The following MRTFA variants were observed in gnomAD, a reference collection of about 807,000 sequenced individuals.
MRTFA encodes myocardin related transcription factor A.
Under a neutral mutation model 83.5 loss-of-function variants are expected in MRTFA, and 20 were observed. The ratio of observed to expected loss-of-function variants is 0.24; its 90% confidence interval spans 0.17 to 0.35. MRTFA has a LOEUF of 0.35. MRTFA is among the 10% of genes least tolerant of loss of function. The probability of loss-of-function intolerance (pLI) is 1.00; values close to 1 mark genes in which losing one functional copy is unlikely to be tolerated. For synonymous variants in MRTFA, 659 were observed against 541.2 expected, an observed-to-expected ratio of 1.22 and a Z score of -3.02; for missense variants, 1,200 against 1,224.7, an observed-to-expected ratio of 0.98 and a Z score of 0.30.
At chr22:40,574,530 G>T (rs959726956) in intron 2 of MRTFA, among the ~76,000 whole-genome samples, 3 of 151,886 alleles carry the variant, frequency 2.0e-5, no homozygotes, top group African/African-American at 7.3e-5. Context: ...TGCCTCCTGG[G>T]TTCAAGCTAT....
At chr22:40,576,028 CTTT>C (rs918851256) in intron 2 of MRTFA, among the ~76,000 whole-genome samples, 4 of 131,396 alleles carry the variant, frequency 3.0e-5, no homozygotes, top group Admixed American at 7.9e-5. Flanking sequence ...ATGTAAATTT[CTTT>C]TTTTTTTTTT....
chr22:40,606,812 T>C (rs2056323449), intron 1 of MRTFA, among the ~76,000 whole-genome samples: 1 of 152,122 alleles, frequency 6.6e-6, no homozygotes, highest in South Asian at 2.1e-4. Flanking sequence ...TATTTGTTCC[T>C]AACAAAGCCA....
chr22:40,424,480 A>G, intron 7 of MRTFA, 99 bp from the exon 8 acceptor site: 7 of 1,291,564 alleles, frequency 5.4e-6, no homozygotes, highest in African/African-American at 1.5e-5. Flanking sequence ...TGCCTGGCCC[A>G]CAGCCCACAT....
chr22:40,417,306 G>A lies in MRTFA; in HGVS notation c.2517+35C>T, dbSNP rs962080974. The stretch of plus-strand genomic sequence containing the variant: ...CTCAGCCCAGCAGCCTAGGGCAGCT[G>A]CCAACACTAGCCAGGCCTAGCCCGC... On this transcript the variant is annotated intron_variant, in intron 13 of 14. Coordinates refer to ENST00000355630, the MANE Select transcript of MRTFA (RefSeq NM_020831.6). 3 of 1,600,866 alleles carry A rather than the reference G, an allele frequency of 1.9e-6. No individual in the cohort carries two copies. In the African/African-American group the frequency reaches 4.0e-5, roughly 21 times the overall value.
At chr22:40,576,610 C>T (rs1447990077) in intron 2 of MRTFA, among the ~76,000 whole-genome samples, 2 of 152,172 alleles carry the variant, frequency 1.3e-5, no homozygotes, top group African/African-American at 2.4e-5. Flanking sequence ...CAAGTTCAGA[C>T]TCTGGCTTAA....
chr22:40,425,541 A>T (rs118140414), intron 7 of MRTFA, among the ~76,000 whole-genome samples: 13 of 152,288 alleles, frequency 8.5e-5, no homozygotes, highest in Non-Finnish European at 1.5e-4. Context: ...CTCCTCCCTC[A>T]GGACCTGGGA....
At chr22:40,588,215 G>T (rs997265887) in intron 2 of MRTFA, among the ~76,000 whole-genome samples, 3 of 152,042 alleles carry the variant, frequency 2.0e-5, no homozygotes, top group African/African-American at 4.8e-5. Context: ...TTTTAGTATA[G>T]ATGAGGTTTC....
In MRTFA at chr22:40,571,423, G is replaced by A. The variant is rs552105755; in HGVS notation, c.-21-19056C>T. 3.9e-5 allele frequency among the ~76,000 whole-genome samples: 6 copies of A among 152,108 alleles called. No individual in the cohort carries two copies. In the East Asian group the frequency reaches 1.2e-3, roughly 29 times the overall value. On this transcript the variant is annotated intron_variant, in intron 2 of 14. Transcript: ENST00000355630. ...AAAGGAAAAAACTAGATAAACAGGAGGTCCAGATATTTCTGTCAAAATTTT... is the reference window on the plus strand; with the variant it reads ...AAAGGAAAAAACTAGATAAACAGGAAGTCCAGATATTTCTGTCAAAATTTT...
At chr22:40,496,924 C>G (rs2054364619) in intron 3 of MRTFA, among the ~76,000 whole-genome samples, 2 of 152,200 alleles carry the variant, frequency 1.3e-5, no homozygotes, top group Admixed American at 1.3e-4. Context: ...AAGGTGTCCT[C>G]TATCTCTAAA....
intron 14 of MRTFA, 63 bp from the exon 15 acceptor site, chr22:40,411,970 A>G: frequency 7.4e-7 from 1 of 1,359,730 alleles, no homozygotes; most frequent in Non-Finnish European, 9.6e-7. Context: ...TACATGCAAA[A>G]GAATGAAGGT....
Position 40,506,243 on chromosome 22 carries a change from C to CA in MRTFA, c.242-42958dup, listed in dbSNP as rs1038878163. On this transcript the variant is annotated intron_variant, in intron 3 of 14. Transcript: ENST00000355630. ...GGGCGACAGAGCGAGACTCTTATCT[C>CA]AAAAAAAAATAAATAAAGTGCATTA... is the stretch of plus-strand genomic sequence containing the variant. Among the ~76,000 whole-genome samples, 80 of 149,618 alleles carry CA rather than the reference C, an allele frequency of 5.3e-4. No homozygotes were observed. In the East Asian group the frequency reaches 0.013, roughly 24 times the overall value.
At chr22:40,479,436 C>T (rs558162091) in intron 3 of MRTFA, among the ~76,000 whole-genome samples, 1 of 152,208 alleles carries the variant, frequency 6.6e-6, no homozygotes, top group African/African-American at 2.4e-5. Context: ...CCTTTCCTCT[C>T]GCAAGTCCCC....
intron 1 of MRTFA, among the ~76,000 whole-genome samples, chr22:40,624,741 A>G (rs1569357843): frequency 2.0e-5 from 3 of 152,180 alleles, no homozygotes; most frequent in Admixed American, 2.0e-4. Context: ...TAATTAACTC[A>G]GCGTTATTTG....
rs1206927508 is a variant in MRTFA at position 40,417,380 on chromosome 22, A to C, written c.2478T>G (p.Pro826=). ...GCTGGCTCATGGCTTCCTCATAGCCAGGTGGTTCCTTCTTCAGCAGAGAAG... is the reference window on the plus strand; with the variant it reads ...GCTGGCTCATGGCTTCCTCATAGCCCGGTGGTTCCTTCTTCAGCAGAGAAG... The change falls in exon 13 of 15, where the codon CCT becomes CCG. Residue 826 remains proline (P), a synonymous_variant. Transcript: ENST00000355630. 6.2e-7 allele frequency: 1 copy of C among 1,611,368 alleles called. No individual in the cohort carries two copies. The highest frequency in any genetic ancestry group is 1.3e-5 in the African/African-American group (1 of 74,826).
intron 1 of MRTFA, among the ~76,000 whole-genome samples, chr22:40,632,345 A>C (rs1467382214): frequency 6.6e-6 from 1 of 151,538 alleles, no homozygotes; most frequent in Non-Finnish European, 1.5e-5. Flanking sequence ...GTGCAGTGGC[A>C]CGATCTCAGC....
At chr22:40,547,959 G>A (rs1376182902) in intron 3 of MRTFA, among the ~76,000 whole-genome samples, 4 of 152,092 alleles carry the variant, frequency 2.6e-5, no homozygotes, top group Non-Finnish European at 5.9e-5. Flanking sequence ...GCATTGAAGA[G>A]TTTTGAGAGT....
chr22:40,617,141 AGAAGGAAG>A lies in MRTFA; in HGVS notation c.-84+19329_-84+19336del, dbSNP rs748254446. Among the ~76,000 whole-genome samples the A allele has an allele frequency of 4.3e-3, 517 of 121,458 alleles. 7 individuals are homozygous for A. The highest frequency in any genetic ancestry group is 0.014 in the African/African-American group (444 of 32,840). 79.7% of individuals were successfully genotyped at this position (121,458 alleles called of 152,430 possible). A position where few individuals can be genotyped will look rare whatever the true frequency, so the allele number is the denominator to read the frequency against. ...AAGACGAAAGAAAGAGAGAGACGAG[AGAAGGAAG>A]GAAGGAAGGAAGGAGGGAAGGAGGG... On this transcript the variant is annotated intron_variant, in intron 1 of 14. Coordinates refer to ENST00000355630, the MANE Select transcript of MRTFA (RefSeq NM_020831.6).
At chr22:40,562,123 C>G (rs1258632195) in intron 2 of MRTFA, among the ~76,000 whole-genome samples, 8 of 151,396 alleles carry the variant, frequency 5.3e-5, no homozygotes, top group Non-Finnish European at 1.2e-4. Context: ...AGGCTGAGGC[C>G]GGAGAACGGC....
chr22:40,477,332 AGAGT>A (rs1253264678), intron 3 of MRTFA, among the ~76,000 whole-genome samples: 1 of 151,974 alleles, frequency 6.6e-6, no homozygotes, highest in African/African-American at 2.4e-5. Flanking sequence ...CCTGGGTGAC[AGAGT>A]GAGACTCGGT....
Sources: allele counts gnomAD v4.1 joint callset (sites outside exome capture counted in the v4.1 genomes callset), GRCh38; gene constraint gnomAD v4.1.1; transcripts MANE v1.5; gene names NCBI Gene and HGNC (gene_info 2026-07-23, HGNC 2026-07-21).